Variants in TAFA4 observed in about 807,000 individuals in gnomAD.
TAFA4 encodes TAFA chemokine like family member 4, also known as chemokine-like protein TAFA-4.
Under a neutral mutation model 21.1 loss-of-function variants are expected in TAFA4, and 20 were observed. That is an observed-to-expected ratio of 0.95 (90% CI 0.67 to 1.38). The LOEUF is 1.38. Ranked by LOEUF, TAFA4 falls within the 40% of genes most tolerant of loss-of-function variation. The probability of loss-of-function intolerance (pLI) is 0.00; values close to 1 mark genes in which losing one functional copy is unlikely to be tolerated. For missense variants in TAFA4, 211 were observed against 180.9 expected (o/e 1.17, Z -0.95); for synonymous variants, 71 against 67.4 (o/e 1.05, Z -0.26).
chr3:68,920,451 T>A (rs35732728), intron 1 of TAFA4, among the ~76,000 whole-genome samples: 32,812 of 152,080 alleles, frequency 0.22, 3,568 homozygotes, highest in Middle Eastern at 0.32. Context: ...CAACTTCAAA[T>A]GATAAGAGAG....
intron 1 of TAFA4, among the ~76,000 whole-genome samples, chr3:68,898,589 T>G (rs186507198): frequency 2.6e-5 from 4 of 152,216 alleles, no homozygotes; most frequent in Non-Finnish European, 5.9e-5. Context: ...GAGGTTGCAG[T>G]GAGCCAAGAT....
At chr3:68,813,717 A>T (rs1298691488) in intron 3 of TAFA4, among the ~76,000 whole-genome samples, 1 of 152,194 alleles carries the variant, frequency 6.6e-6, no homozygotes, top group African/African-American at 2.4e-5. Context: ...ATGGATTCAC[A>T]GCCGAATTCT....
At chr3:68,800,404 G>C (rs1050241132) in intron 3 of TAFA4, among the ~76,000 whole-genome samples, 15 of 152,158 alleles carry the variant, frequency 9.9e-5, no homozygotes, top group African/African-American at 3.1e-4. Context: ...CAGAATAACG[G>C]TGCTGACCCT....
rs1575679963 is a variant in TAFA4 at position 68,932,229 on chromosome 3, A to C, written c.-123+11T>G. On this transcript the variant is annotated intron_variant, in intron 1 of 5. Transcript: ENST00000295569. ...CTCTCGCCCCTCCTTATCCCTTCCA[A>C]CCCTTCTTACTCGACTAGAGCCGGC... The C allele has an allele frequency of 6.6e-6, 1 of 150,786 alleles. No individual in the cohort carries two copies. Among genetic ancestry groups the C allele is most frequent in the Non-Finnish European group, 1.5e-5 (1 of 67,692 alleles). The allele number at this position is 150,786 out of a possible 1,614,324, so 9.3% of individuals were successfully genotyped here.
intron 3 of TAFA4, among the ~76,000 whole-genome samples, chr3:68,856,313 A>G (rs559327865): frequency 1.9e-4 from 29 of 152,272 alleles, no homozygotes; most frequent in African/African-American, 7.0e-4. Flanking sequence ...TAAAATAAGA[A>G]TGCTTTATTA....
At chr3:68,789,291 G>A (rs1703321312) in intron 3 of TAFA4, among the ~76,000 whole-genome samples, 1 of 151,726 alleles carries the variant, frequency 6.6e-6, no homozygotes, top group Admixed American at 6.6e-5. Flanking sequence ...TCAAGCACTA[G>A]TTGACCATAT....
At chr3:68,853,222 G>C (rs1704990962) in intron 3 of TAFA4, among the ~76,000 whole-genome samples, 1 of 144,988 alleles carries the variant, frequency 6.9e-6, no homozygotes, top group Non-Finnish European at 1.5e-5. Flanking sequence ...ATCTACTATA[G>C]AGTTAAGGAA....
chr3:68,771,046 G>A (rs901741783), intron 3 of TAFA4, among the ~76,000 whole-genome samples: 3 of 152,124 alleles, frequency 2.0e-5, no homozygotes, highest in Non-Finnish European at 2.9e-5. Context: ...GGCTGGGGGC[G>A]GTTGAAGAAG....
chr3:68,763,124 G>C (rs1702785753), intron 3 of TAFA4, among the ~76,000 whole-genome samples: 1 of 152,194 alleles, frequency 6.6e-6, no homozygotes, highest in Non-Finnish European at 1.5e-5. Flanking sequence ...GCAGATTTAG[G>C]TCAACAATTG....
intron 3 of TAFA4, among the ~76,000 whole-genome samples, chr3:68,770,809 G>A (rs916912500): frequency 6.6e-6 from 1 of 152,150 alleles, no homozygotes; most frequent in Non-Finnish European, 1.5e-5. Context: ...TCCCGGCGAG[G>A]GCTCCACCCT....
intron 1 of TAFA4, among the ~76,000 whole-genome samples, chr3:68,914,944 G>A (rs1444377411): frequency 6.6e-6 from 1 of 152,122 alleles, no homozygotes; most frequent in Non-Finnish European, 1.5e-5. Context: ...TTAGAACATG[G>A]TCATGCAACA....
chr3:68,764,567 GTCTC>G (rs1245136637), intron 3 of TAFA4, among the ~76,000 whole-genome samples: 3 of 152,144 alleles, frequency 2.0e-5, no homozygotes, highest in Non-Finnish European at 4.4e-5. Context: ...TTTCTGAAGA[GTCTC>G]TCTCTGTGTG....
intron 1 of TAFA4, among the ~76,000 whole-genome samples, chr3:68,892,251 A>T (rs1441854998): frequency 6.6e-6 from 1 of 152,196 alleles, no homozygotes; most frequent in South Asian, 2.1e-4. Flanking sequence ...CCTTAAAAAC[A>T]TCAGTGAAGA....
intron 3 of TAFA4, among the ~76,000 whole-genome samples, chr3:68,826,588 AAAG>A (rs1349757724): frequency 1.3e-5 from 2 of 152,044 alleles, no homozygotes; most frequent in African/African-American, 4.8e-5. Context: ...AAAAAAAAAA[AAAG>A]GTTAACTCAG....
At chr3:68,801,698 C>T (rs1281237559) in intron 3 of TAFA4, among the ~76,000 whole-genome samples, 1 of 152,100 alleles carries the variant, frequency 6.6e-6, no homozygotes, top group Non-Finnish European at 1.5e-5. Context: ...GCTTTAGAGG[C>T]CAAACTGCAA....
At chr3:68,822,054 C>A (rs1704125167) in intron 3 of TAFA4, among the ~76,000 whole-genome samples, 1 of 152,148 alleles carries the variant, frequency 6.6e-6, no homozygotes, top group African/African-American at 2.4e-5. Context: ...TTTTATATGG[C>A]AGGTGTGGAC....
chr3:68,899,254 C>T (rs1358911919), intron 1 of TAFA4, among the ~76,000 whole-genome samples: 3 of 151,986 alleles, frequency 2.0e-5, no homozygotes, highest in Non-Finnish European at 4.4e-5. Context: ...AAAGAACTAC[C>T]TCATTAATAA....
chr3:68,733,061 A>AGTTCTGC lies in TAFA4; in HGVS notation c.*80_*81insGCAGAAC. On this transcript the variant is annotated 3_prime_UTR_variant, in exon 6 of 6. Transcript: ENST00000295569. Reference sequence around the variant, plus strand: ...GCTGAAATCCTAGACAATTTTCTGCAAAGGGGCCATGATGGGAATCCAAGC... The same window carrying AGTTCTGC: ...GCTGAAATCCTAGACAATTTTCTGCAGTTCTGCAAGGGGCCATGATGGGAATCCAAGC... 3 of 1,585,778 alleles carry AGTTCTGC rather than the reference A, an allele frequency of 1.9e-6. No individual in the cohort carries two copies. Among genetic ancestry groups the AGTTCTGC allele is most frequent in the Non-Finnish European group, 2.6e-6 (3 of 1,161,244 alleles).
At chr3:68,914,191 A>G (rs2089983878) in intron 1 of TAFA4, among the ~76,000 whole-genome samples, 2 of 152,326 alleles carry the variant, frequency 1.3e-5, no homozygotes, top group South Asian at 4.1e-4. Context: ...GCAACAATGA[A>G]GAAGAACTAC....
Sources: gnomAD v4.1 joint callset for allele counts (sites outside exome capture counted in the v4.1 genomes callset) on GRCh38, gnomAD v4.1.1 for gene constraint, MANE v1.5 for transcripts, NCBI Gene and HGNC (gene_info 2026-07-23, HGNC 2026-07-21) for gene names.